ARHGAP32: variants seen among roughly 807,000 people sequenced by gnomAD.
ARHGAP32 encodes the protein Rho GTPase activating protein 32, also known as rho GTPase-activating protein 32.
Under a neutral mutation model 186.5 loss-of-function variants are expected in ARHGAP32, and 51 were observed. That is an observed-to-expected ratio of 0.27 (90% confidence interval 0.22 to 0.35). The LOEUF (loss-of-function observed/expected upper bound fraction) is 0.35, where lower values mean the gene tolerates loss of function less well. ARHGAP32 is among the 10% of genes least tolerant of loss of function. The probability of loss-of-function intolerance (pLI) is 1.00; values close to 1 mark genes in which losing one functional copy is unlikely to be tolerated. For missense variants in ARHGAP32, 2,186 were observed against 2,623.5 expected (o/e 0.83, Z 3.64); for synonymous variants, 950 against 964.3 (o/e 0.99, Z 0.27).
At chr11:129,070,302 A>G (rs1940829041) in intron 6 of ARHGAP32, among the ~76,000 whole-genome samples, 1 of 152,022 alleles carries the variant, frequency 6.6e-6, no homozygotes, top group Non-Finnish European at 1.5e-5. Context: ...AGCTATCACT[A>G]TTGGTATTTT....
At chr11:129,099,916 C>T (rs1294548457) in intron 5 of ARHGAP32, among the ~76,000 whole-genome samples, 1 of 152,038 alleles carries the variant, frequency 6.6e-6, no homozygotes, top group Admixed American at 6.6e-5. Context: ...AAGCTGGGAA[C>T]CCTGCATGGG....
intron 5 of ARHGAP32, among the ~76,000 whole-genome samples, chr11:129,102,593 C>A (rs1941932827): frequency 6.6e-6 from 1 of 152,110 alleles, no homozygotes; most frequent in Non-Finnish European, 1.5e-5. Flanking sequence ...TACAAATGAC[C>A]AGTAAGCACA....
Position 128,970,042 on chromosome 11 carries a change from C to T in ARHGAP32, c.5171G>A (p.Arg1724His), listed in dbSNP as rs745850730. ...SLYSYAGLAP[R>H]PRANVTGYFS... ...ATAGCCAGTCACGTTGGCCCGGGGA[C>T]GTGGAGCCAAACCAGCATAACTGTA... The change falls in exon 23 of 23, where the codon CGT (arginine) becomes CAT (histidine). Residue 1724 changes from arginine to histidine, a missense_variant. Physicochemically the swap from Arg to His is conservative, Grantham distance 29. Around this residue, in one of 5 missense-constraint regions of ARHGAP32, gnomAD observed 1,502 missense variants for 1,570.0 expected, o/e 0.96. Transcript: ENST00000682385. This position sits in a 1 kb window ranked among gnomAD's most constrained non-coding sequence, Gnocchi z 5.8. 3.1e-6 allele frequency: 5 copies of T among 1,614,022 alleles called. No individual in the cohort carries two copies. Among genetic ancestry groups the T allele is most frequent in the African/African-American group, 2.7e-5 (2 of 74,902 alleles).
chr11:129,207,926 C>T (rs1944535310), intron 1 of ARHGAP32, among the ~76,000 whole-genome samples: 1 of 152,070 alleles, frequency 6.6e-6, no homozygotes, highest in Admixed American at 6.6e-5. Context: ...TCTCTTGTAA[C>T]CAAAATGGGC....
chr11:129,078,730 T>A (rs186128616), intron 6 of ARHGAP32, among the ~76,000 whole-genome samples: 8 of 152,176 alleles, frequency 5.3e-5, no homozygotes, highest in Admixed American at 5.2e-4. Flanking sequence ...TAACCTCAGG[T>A]GATCTGCCCA....
intron 13 of ARHGAP32, among the ~76,000 whole-genome samples, 189 bp from the exon 14 acceptor site, chr11:128,986,857 T>C (rs538678348): frequency 3.3e-5 from 5 of 152,360 alleles, no homozygotes; most frequent in African/African-American, 7.2e-5. Context: ...TAGTACAAGA[T>C]AGATGTCTTT....
intron 1 of ARHGAP32, among the ~76,000 whole-genome samples, chr11:129,172,901 A>G (rs1943798699): frequency 6.6e-6 from 1 of 152,042 alleles, no homozygotes; most frequent in Non-Finnish European, 1.5e-5. Context: ...AGGCAAGAGC[A>G]AACTAATCCA....
intron 5 of ARHGAP32, among the ~76,000 whole-genome samples, chr11:129,118,216 T>C (rs1056960731): frequency 6.6e-6 from 1 of 151,952 alleles, no homozygotes; most frequent in African/African-American, 2.4e-5. Context: ...AGAGATTAAG[T>C]AGTATATGTT....
intron 1 of ARHGAP32, among the ~76,000 whole-genome samples, chr11:129,251,556 C>T (rs1945182905): frequency 6.6e-6 from 1 of 152,056 alleles, no homozygotes; most frequent in Non-Finnish European, 1.5e-5. Flanking sequence ...TACTGAAACA[C>T]ATCAACAATA....
intron 5 of ARHGAP32, among the ~76,000 whole-genome samples, chr11:129,109,110 A>C (rs1942131678): frequency 6.6e-6 from 1 of 152,052 alleles, no homozygotes; most frequent in Non-Finnish European, 1.5e-5. Flanking sequence ...CCTCCATTAG[A>C]TCAAGTTTTT....
At chr11:129,195,903 A>G (rs1001533909), upstream of ARHGAP32, among the ~76,000 whole-genome samples, 1 of 152,174 alleles carries the variant, frequency 6.6e-6, no homozygotes, top group Non-Finnish European at 1.5e-5. Context: ...ATACTGCTGA[A>G]GACCACAAGG....
intron 1 of ARHGAP32, among the ~76,000 whole-genome samples, chr11:129,187,400 G>A (rs1279217987): frequency 2.0e-5 from 3 of 152,088 alleles, no homozygotes; most frequent in African/African-American, 4.8e-5. Context: ...GGAGGCTGGT[G>A]GGGATAGTTA....
intron 5 of ARHGAP32, among the ~76,000 whole-genome samples, chr11:129,108,136 T>A (rs1236334874): frequency 6.6e-6 from 1 of 152,104 alleles, no homozygotes; most frequent in Non-Finnish European, 1.5e-5. Flanking sequence ...CAAAATGGCA[T>A]AAGTCCTTCC....
intron 1 of ARHGAP32, among the ~76,000 whole-genome samples, chr11:129,263,998 T>C (rs1332834256): frequency 6.6e-6 from 1 of 152,176 alleles, no homozygotes; most frequent in Non-Finnish European, 1.5e-5. Context: ...AAGCATCCAC[T>C]GACAATTAAT....
intron 6 of ARHGAP32, among the ~76,000 whole-genome samples, chr11:129,071,492 TTAA>T (rs1940864912): frequency 1.3e-5 from 2 of 152,044 alleles, no homozygotes; most frequent in Non-Finnish European, 2.9e-5. Flanking sequence ...CAAGTGCAAA[TTAA>T]TACCACAATG....
At chr11:129,264,562 T>C (rs73021047) in intron 1 of ARHGAP32, among the ~76,000 whole-genome samples, 5,080 of 152,218 alleles carry the variant, frequency 0.033, 131 homozygotes, top group Middle Eastern at 0.068. Context: ...AGGACAGATG[T>C]TTATCATTTG....
chr11:129,075,549 C>T (rs896567058), intron 6 of ARHGAP32, among the ~76,000 whole-genome samples: 7 of 151,958 alleles, frequency 4.6e-5, no homozygotes, highest in Admixed American at 3.3e-4. Flanking sequence ...ATTTAACACC[C>T]TCTATAAGAA....
At chr11:129,036,531 A>G (rs935258728) in intron 11 of ARHGAP32, among the ~76,000 whole-genome samples, 1 of 152,228 alleles carries the variant, frequency 6.6e-6, no homozygotes, top group Non-Finnish European at 1.5e-5. Context: ...AATAACTAAT[A>G]TAAGTTAAGC....
chr11:129,208,608 G>A (rs746215985), intron 1 of ARHGAP32, among the ~76,000 whole-genome samples: 3 of 151,226 alleles, frequency 2.0e-5, no homozygotes, highest in Non-Finnish European at 4.4e-5. Context: ...TGCATTGCTT[G>A]TTTGGCCACC....
Sources: allele counts gnomAD v4.1 joint callset (sites outside exome capture counted in the v4.1 genomes callset), GRCh38; gene constraint gnomAD v4.1.1; regional missense constraint gnomAD v4.1.1; non-coding constraint Gnocchi (gnomAD v3.1); transcripts MANE v1.5; gene names NCBI Gene and HGNC (gene_info 2026-07-23, HGNC 2026-07-21).